The following DIABLO variants were observed in gnomAD, a reference collection of about 807,000 sequenced individuals.
DIABLO encodes diablo IAP-binding mitochondrial protein, also known as diablo homolog, mitochondrial.
A neutral mutation model predicts 31.7 loss-of-function variants in DIABLO; 32 were observed. The observed-to-expected ratio is 1.01, with a 90% CI of 0.76 to 1.35. The LOEUF (loss-of-function observed/expected upper bound fraction) is 1.35. Ranked by LOEUF, DIABLO falls within the 40% of genes most tolerant of loss-of-function variation. DIABLO has a pLI of 0.00. For synonymous variants in DIABLO, 132 were observed against 103.2 expected, an observed-to-expected ratio of 1.28 and a Z score of -1.69; for missense variants, 316 against 286.4, an observed-to-expected ratio of 1.10 and a Z score of -0.75.
At chr12:122,217,277 C>CTAAG in intron 3 of DIABLO, 1 of 240,376 alleles carries the variant, frequency 4.2e-6, no homozygotes, top group Non-Finnish European at 8.2e-6. Context: ...CTTTGGGAGG[C>CTAAG]TAAGACACGT....
Position 122,207,786 on chromosome 12 carries a change from G to A in DIABLO, c.*595C>T, listed in dbSNP as rs1161950282. 2 of 469,286 alleles carry A rather than the reference G, an allele frequency of 4.3e-6. No individual in the cohort carries two copies. Among genetic ancestry groups the A allele is most frequent in the Admixed American group, 2.3e-5 (1 of 42,980 alleles). 29.1% of individuals were successfully genotyped at this position (469,286 alleles called of 1,614,324 possible). On this transcript the variant is annotated 3_prime_UTR_variant, in exon 6 of 6. Coordinates refer to ENST00000464942, the MANE Select transcript of DIABLO (RefSeq NM_001371333.1). ...CAAGAGGCCTGTGTTAAGTCCTGTT[G>A]ATGTTAAGTCCTGTTGAGAGCACCA...
At chr12:122,219,277 TAACC>T (rs1032557996) in intron 2 of DIABLO, among the ~76,000 whole-genome samples, 3 of 152,000 alleles carry the variant, frequency 2.0e-5, no homozygotes, top group African/African-American at 7.2e-5. Context: ...CTATTGATTA[TAACC>T]AACAAATTGA....
At chr12:122,214,132 A>C (rs1954151814) in intron 5 of DIABLO, among the ~76,000 whole-genome samples, 1 of 152,154 alleles carries the variant, frequency 6.6e-6, no homozygotes, top group Non-Finnish European at 1.5e-5. Context: ...AAACCTTCTA[A>C]AAGAATTATT....
intron 5 of DIABLO, chr12:122,209,827 ATCC>A: frequency 2.8e-6 from 2 of 703,362 alleles, no homozygotes; most frequent in East Asian, 2.7e-5. Flanking sequence ...AATGGCAGGC[ATCC>A]TCCTCTTCTA....
upstream of DIABLO, chr12:122,226,588 C>T (rs1440948344): frequency 2.9e-6 from 2 of 689,972 alleles, no homozygotes; most frequent in African/African-American, 1.8e-5. Context: ...AGCCCCAGGA[C>T]GGTCGGCGGC....
At chr12:122,208,706 T>A in intron 5 of DIABLO, 129 bp from the exon 6 acceptor site, 1 of 868,058 alleles carries the variant, frequency 1.2e-6, no homozygotes. Context: ...GACCTCCCTG[T>A]CTTCTCTCTC....
chr12:122,213,987 A>G (rs1954146189), intron 5 of DIABLO, among the ~76,000 whole-genome samples: 1 of 152,118 alleles, frequency 6.6e-6, no homozygotes, highest in Admixed American at 6.5e-5. Flanking sequence ...CAGGAGGCAG[A>G]GGCAAGAGAA....
chr12:122,223,726 G>A (rs895635016), intron 2 of DIABLO, among the ~76,000 whole-genome samples: 1 of 152,054 alleles, frequency 6.6e-6, no homozygotes, highest in Admixed American at 6.6e-5. Context: ...TCTCTACTTC[G>A]CCTTATCAGA....
At chr12:122,210,126 A>C (rs1037017300) in intron 5 of DIABLO, among the ~76,000 whole-genome samples, 1 of 152,134 alleles carries the variant, frequency 6.6e-6, no homozygotes, top group Non-Finnish European at 1.5e-5. Context: ...CGTTTGATTT[A>C]CGGCTACATT....
At chr12:122,219,585 G>T (rs757099290) in intron 2 of DIABLO, among the ~76,000 whole-genome samples, 15 of 152,112 alleles carry the variant, frequency 9.9e-5, no homozygotes, top group Non-Finnish European at 5.9e-5. Context: ...GGCCAGGCAT[G>T]GTGGCTAACG....
chr12:122,225,979 T>G lies in DIABLO; in HGVS notation c.36A>C (p.Val12=). Residue 12 remains valine (V), a synonymous_variant, in exon 1 of 6, where the codon GTA becomes GTC. Coordinates refer to ENST00000464942, the MANE Select transcript of DIABLO (RefSeq NM_001371333.1). ...AALKSWLSRS[V]TSFFRYRQCL... Reference sequence around the variant, plus strand: ...CGCAGCGGTACCTGAAGAATGAAGTTACGCTGCGCGACAGCCAACTCTTCA... The same window carrying G: ...CGCAGCGGTACCTGAAGAATGAAGTGACGCTGCGCGACAGCCAACTCTTCA... The G allele has an allele frequency of 6.2e-7, 1 of 1,600,824 alleles. No individual in the cohort carries two copies. The highest frequency in any genetic ancestry group is 2.3e-5 in the East Asian group (1 of 44,378).
upstream of DIABLO, among the ~76,000 whole-genome samples, chr12:122,226,957 G>A (rs1199657537): frequency 2.0e-5 from 3 of 152,244 alleles, no homozygotes; most frequent in African/African-American, 7.2e-5. Context: ...CCCAGCTGCG[G>A]CCCTGGCTGG....
chr12:122,209,667 CAAA>C, intron 5 of DIABLO: 3 of 529,082 alleles, frequency 5.7e-6, no homozygotes, highest in Non-Finnish European at 1.0e-5. Flanking sequence ...GTCTCCCCCC[CAAA>C]AAAAAAAATG....
intron 5 of DIABLO, among the ~76,000 whole-genome samples, chr12:122,213,915 T>C (rs1334708713): frequency 1.3e-5 from 2 of 151,962 alleles, no homozygotes; most frequent in African/African-American, 4.8e-5. Flanking sequence ...TGAAACTCCG[T>C]CTCTACTAAA....
At chr12:122,221,509 A>C (rs1954334535) in intron 2 of DIABLO, 1 of 152,066 alleles carries the variant, frequency 6.6e-6, no homozygotes, top group Non-Finnish European at 1.5e-5. Context: ...CCTGAAATCA[A>C]ATCATCCTCC....
At chr12:122,220,164 T>C (rs1593178688) in intron 2 of DIABLO, among the ~76,000 whole-genome samples, 1 of 152,058 alleles carries the variant, frequency 6.6e-6, no homozygotes, top group East Asian at 2.0e-4. Context: ...CAGGCTGGTT[T>C]TGAACTCCTG....
rs1272125345 is a variant in DIABLO at position 122,208,432 on chromosome 12, T to G, written c.669A>C (p.Glu223Asp). ...IEELRQKTQE[E>D]GEERAESEQE... ...GCTCCGACTCAGCCCGCTCCTCCCC[T>G]TCCTCCTGTGTTTTCTGACGGAGCT... Residue 223 changes from glutamate (E) to aspartate (D), a missense_variant, in exon 6 of 6, where the codon GAA (glutamate) becomes GAC (aspartate). By Grantham distance (45) the Glu-to-Asp change is conservative (BLOSUM62 2). Coordinates refer to ENST00000464942, the MANE Select transcript of DIABLO (RefSeq NM_001371333.1). The G allele has an allele frequency of 1.2e-6, 2 of 1,613,802 alleles. No individual in the cohort carries two copies. Among genetic ancestry groups the G allele is most frequent in the Non-Finnish European group, 1.7e-6 (2 of 1,180,034 alleles).
chr12:122,216,628 A>AT, intron 4 of DIABLO, 44 bp from the exon 5 acceptor site: 3 of 1,592,898 alleles, frequency 1.9e-6, no homozygotes, highest in Non-Finnish European at 2.6e-6. Context: ...TAAGAGGTCT[A>AT]GCCCATTTAA....
At chr12:122,214,179 A>G (rs1954153479) in intron 5 of DIABLO, among the ~76,000 whole-genome samples, 1 of 152,188 alleles carries the variant, frequency 6.6e-6, no homozygotes, top group African/African-American at 2.4e-5. Context: ...CACTTACCTT[A>G]AAAAATGTTT....
Sources: gnomAD v4.1 joint callset for allele counts (sites outside exome capture counted in the v4.1 genomes callset) on GRCh38, gnomAD v4.1.1 for gene constraint, MANE v1.5 for transcripts, NCBI Gene and HGNC (gene_info 2026-07-23, HGNC 2026-07-21) for gene names.